The following ERVFRD-1 variants were observed in gnomAD, a reference collection of about 807,000 sequenced individuals.
The protein encoded by ERVFRD-1 is endogenous retrovirus group FRD member 1, envelope.
Under a neutral mutation model 43.8 loss-of-function variants are expected in ERVFRD-1, and 33 were observed. That is an observed-to-expected ratio of 0.75 (90% CI 0.57 to 1.01). ERVFRD-1 has a LOEUF of 1.01. Among genes scored for constraint, ERVFRD-1 ranks in the 50% least tolerant of loss-of-function variants. The pLI, the probability that ERVFRD-1 is intolerant of heterozygous loss-of-function variation, is 0.00. For synonymous variants in ERVFRD-1, 239 were observed against 244.4 expected (o/e 0.98, Z 0.21); for missense variants, 568 against 658.4 (o/e 0.86, Z 1.50).
chr6:11,103,858 G>A lies in ERVFRD-1; in HGVS notation c.1453C>T (p.Pro485Ser). 1.3e-6 allele frequency: 2 copies of A among 1,551,696 alleles called. No homozygotes were observed. The highest frequency in any genetic ancestry group is 2.4e-5 in the South Asian group (2 of 84,058). Reference protein sequence around the residue: ...GTWKWFSWVLPLTGPLVSLLL... With the variant: ...GTWKWFSWVLSLTGPLVSLLL... ...AGACTAACAAGTGGGCCTGTAAGGG[G>A]AAGAACCCAAGAGAACCATTTCCAA... The change falls in exon 2 of 2, where the codon CCC (proline) becomes TCC (serine). Residue 485 changes from proline (P) to serine (S), a missense_variant. Transcript: ENST00000472091.
rs548644317 is a variant in ERVFRD-1, at chr6:11,103,663, G to A, written c.*31C>T. Reference sequence around the variant, plus strand: ...CGGGGCAGGATTTCGCCTCTGTCGTGTTCCACTAGCGAGCAGTCTAGGGGT... The same window carrying A: ...CGGGGCAGGATTTCGCCTCTGTCGTATTCCACTAGCGAGCAGTCTAGGGGT... On this transcript the variant is annotated 3_prime_UTR_variant, in exon 2 of 2. Coordinates refer to ENST00000472091, the MANE Select transcript of ERVFRD-1 (RefSeq NM_207582.3). The A allele has an allele frequency of 1.3e-6, 2 of 1,515,476 alleles. No individual in the cohort carries two copies. The highest frequency in any genetic ancestry group is 4.9e-5 in the East Asian group (2 of 40,612). 93.9% of individuals were successfully genotyped at this position (1,515,476 alleles called of 1,614,324 possible). A position where few individuals can be genotyped will look rare whatever the true frequency, so the allele number is the denominator to read the frequency against.
chr6:11,108,815 A>G (rs1270375981), intron 1 of ERVFRD-1, among the ~76,000 whole-genome samples: 1 of 152,186 alleles, frequency 6.6e-6, no homozygotes, highest in Admixed American at 6.5e-5. Context: ...AGTTAGGGAA[A>G]TGATCCTTTA....
intron 1 of ERVFRD-1, among the ~76,000 whole-genome samples, chr6:11,111,370 A>C (rs1758163933): frequency 6.6e-6 from 1 of 152,184 alleles, no homozygotes; most frequent in South Asian, 2.1e-4. Context: ...TTTAGTTGAA[A>C]AAGCAGAGGA....
At position 11,103,451 on chromosome 6, in the gene ERVFRD-1, T is replaced by C. The variant is rs560882659; in HGVS notation, c.*243A>G. The stretch of plus-strand genomic sequence containing the variant: ...TCTGACTAGCTACCTGCTCCAACAT[T>C]TCCCCCCCTCAAGAGTCCAAGACCC... On this transcript the variant is annotated 3_prime_UTR_variant, in exon 2 of 2. Coordinates refer to ENST00000472091, the MANE Select transcript of ERVFRD-1 (RefSeq NM_207582.3). 11 of 508,822 alleles carry C rather than the reference T, an allele frequency of 2.2e-5. No individual in the cohort carries two copies. Among genetic ancestry groups the C allele is most frequent in the Non-Finnish European group, 3.3e-5 (10 of 304,698 alleles). The allele number at this position is 508,822 out of a possible 1,614,324, so 31.5% of individuals were successfully genotyped here.
At chr6:11,111,630 G>T (rs1758168619) in intron 1 of ERVFRD-1, 47 bp downstream of exon 1, 1 of 152,290 alleles carries the variant, frequency 6.6e-6, no homozygotes, top group Non-Finnish European at 1.5e-5. Flanking sequence ...CACGTACGAG[G>T]GTTGAACGCC....
Position 11,104,957 on chromosome 6 carries a change from G to C in ERVFRD-1, c.354C>G (p.Asn118Lys). 6.2e-7 allele frequency: 1 copy of C among 1,614,170 alleles called. No homozygotes were observed. The highest frequency in any genetic ancestry group is 8.5e-7 in the Non-Finnish European group (1 of 1,180,028). ...CACAAATAGGGGCTATTCCCATTAG[G>C]TTGATATTAGTAAAGATGGGTCCGA... is the stretch of plus-strand genomic sequence containing the variant. ...PIFGPIFTNI[N>K]LMGIAPICVM... The change falls in exon 2 of 2, where the codon AAC becomes AAG. Residue 118 changes from asparagine to lysine, a missense_variant. By Grantham distance (94) the Asn-to-Lys change is moderately conservative. Transcript: ENST00000472091.
At chr6:11,106,295 C>T (rs892476280) in intron 1 of ERVFRD-1, among the ~76,000 whole-genome samples, 4 of 152,192 alleles carry the variant, frequency 2.6e-5, no homozygotes, top group Non-Finnish European at 4.4e-5. Context: ...CTGTGGTATG[C>T]AGGGAGCTGA....
In ERVFRD-1 at chr6:11,103,452, TC is replaced by T. The variant is rs536498436; in HGVS notation, c.*241del. 42 of 511,174 alleles carry T rather than the reference TC, an allele frequency of 8.2e-5. No individual in the cohort carries two copies. Among genetic ancestry groups the T allele is most frequent in the African/African-American group, 7.0e-4 (37 of 53,154 alleles). 31.7% of individuals were successfully genotyped at this position (511,174 alleles called of 1,614,324 possible). A position where few individuals can be genotyped will look rare whatever the true frequency, so the allele number is the denominator to read the frequency against. On this transcript the variant is annotated 3_prime_UTR_variant, in exon 2 of 2. Transcript: ENST00000472091. ...CTGACTAGCTACCTGCTCCAACATT[TC>T]CCCCCCTCAAGAGTCCAAGACCCAA...
intron 1 of ERVFRD-1, among the ~76,000 whole-genome samples, chr6:11,110,449 A>C (rs553764833): frequency 6.6e-6 from 1 of 152,114 alleles, no homozygotes; most frequent in Non-Finnish European, 1.5e-5. Context: ...CTCATTTCCC[A>C]TGTTCTTTAA....
intron 1 of ERVFRD-1, among the ~76,000 whole-genome samples, chr6:11,107,379 G>A (rs907480539): frequency 8.5e-5 from 13 of 152,154 alleles, no homozygotes; most frequent in African/African-American, 3.1e-4. Context: ...CTAGATGTTG[G>A]ATTCCCAGTT....
At position 11,105,390 on chromosome 6, in the gene ERVFRD-1, A is replaced by G. The variant is rs1210442044; in HGVS notation, c.-80T>C. The G allele has an allele frequency of 1.8e-6, 2 of 1,084,014 alleles. No individual in the cohort carries two copies. The highest frequency in any genetic ancestry group is 2.7e-6 in the Non-Finnish European group (2 of 751,482). 67.1% of individuals were successfully genotyped at this position (1,084,014 alleles called of 1,614,324 possible). A position where few individuals can be genotyped will look rare whatever the true frequency, so the allele number is the denominator to read the frequency against. ...TGTACAAGTTAGGGTTAAAATAGTG[A>G]TAACAATCAGAGCAATTGCCAGTAA... On this transcript the variant is annotated 5_prime_UTR_variant, in exon 2 of 2. Transcript: ENST00000472091.
At chr6:11,107,140 C>T (rs905078352) in intron 1 of ERVFRD-1, among the ~76,000 whole-genome samples, 10 of 152,214 alleles carry the variant, frequency 6.6e-5, no homozygotes, top group Non-Finnish European at 1.3e-4. Context: ...TGTGGATTAT[C>T]TAGGAGCTGA....
chr6:11,104,852 A>G lies in ERVFRD-1; in HGVS notation c.459T>C (p.Ser153=). Residue 153 remains serine (S), a synonymous_variant, in exon 2 of 2, where the codon TCT becomes TCC. Coordinates refer to ENST00000472091, the MANE Select transcript of ERVFRD-1 (RefSeq NM_207582.3). ...TGTATGTTTGGTAAGTCTGTTGGTT[A>G]GAATCTACAGTGAAAGTAACATTAC... The part of the protein sequence containing the change: ...TVCNVTFTVD[S]NQQTYQTYTH... 1 of 1,614,244 alleles carries G rather than the reference A, an allele frequency of 6.2e-7. No homozygotes were observed. Among genetic ancestry groups the G allele is most frequent in the Non-Finnish European group, 8.5e-7 (1 of 1,180,044 alleles).
rs1169145804 is a variant in ERVFRD-1 at position 11,102,537 on chromosome 6, AG to A, written c.*1156del. 1.3e-5 allele frequency: 2 copies of A among 152,254 alleles called. No homozygotes were observed. The allele number at this position is 152,254 out of a possible 1,614,324, so 9.4% of individuals were successfully genotyped here. A position where few individuals can be genotyped will look rare whatever the true frequency, so the allele number is the denominator to read the frequency against. ...GAGCAAGGGTGATTCATGAACAGGC[AG>A]GGCCAAACTGCAAGCAACTGGGTCT... On this transcript the variant is annotated 3_prime_UTR_variant, in exon 2 of 2. Coordinates refer to ENST00000472091, the MANE Select transcript of ERVFRD-1 (RefSeq NM_207582.3).
At chr6:11,109,440 A>G (rs1230855982) in intron 1 of ERVFRD-1, among the ~76,000 whole-genome samples, 1 of 152,130 alleles carries the variant, frequency 6.6e-6, no homozygotes, top group East Asian at 1.9e-4. Flanking sequence ...AGACTTCGAT[A>G]TAATTGGGTA....
In ERVFRD-1 at chr6:11,105,042, T is replaced by C; in HGVS notation, c.269A>G (p.Asn90Ser). The change falls in exon 2 of 2, where the codon AAT becomes AGT. Residue 90 changes from asparagine (N) to serine (S), a missense_variant. By Grantham distance (46) the Asn-to-Ser change is conservative. Transcript: ENST00000472091. ...PNLKGLMRPA[N>S]SLLSTVKQDF... The stretch of plus-strand genomic sequence containing the variant: ...TTGCTTTACTGTTGAAAGAAGACTA[T>C]TTGCAGGCCTCATCAGTCCTTTCAG... 6.2e-7 allele frequency: 1 copy of C among 1,614,210 alleles called. No individual in the cohort carries two copies. The highest frequency in any genetic ancestry group is 8.5e-7 in the Non-Finnish European group (1 of 1,180,038).
Position 11,104,074 on chromosome 6 carries a change from C to CT in ERVFRD-1, c.1236dup (p.Val413SerfsTer24). ...TCTAGTCCTCGACGATTTTGAAGGA[C>CT]TACGGCTGCTAAAGAGTCGATTTGT... is the stretch of plus-strand genomic sequence containing the variant. On this transcript the variant is annotated frameshift_variant, in exon 2 of 2. Transcript: ENST00000472091. LOFTEE classifies it high-confidence loss of function. 2 of 1,551,688 alleles carry CT rather than the reference C, an allele frequency of 1.3e-6. No homozygotes were observed. Among genetic ancestry groups the CT allele is most frequent in the South Asian group, 2.4e-5 (2 of 84,058 alleles).
At chr6:11,106,800 C>T (rs1051128078) in intron 1 of ERVFRD-1, among the ~76,000 whole-genome samples, 22 of 152,328 alleles carry the variant, frequency 1.4e-4, no homozygotes, top group African/African-American at 5.3e-4. Context: ...GCACTATTGT[C>T]ACCTCCTGGG....
chr6:11,104,499 G>A lies in ERVFRD-1; in HGVS notation c.812C>T (p.Ala271Val), dbSNP rs1207866856. Residue 271 changes from alanine (A) to valine (V), a missense_variant, in exon 2 of 2, where the codon GCA becomes GTA. Physicochemically the swap from Ala to Val is moderately conservative, Grantham distance 64. Coordinates refer to ENST00000472091, the MANE Select transcript of ERVFRD-1 (RefSeq NM_207582.3). ...TIATSYLGIS[A>V]VSEFFGTSLT... ...GGAGGTTCCAAAAAATTCTGAGACT[G>A]CTGATATGCCCAGGTAGCTGGTGGC... The A allele has an allele frequency of 6.4e-7, 1 of 1,557,058 alleles. No individual in the cohort carries two copies. Among genetic ancestry groups the A allele is most frequent in the Non-Finnish European group, 8.7e-7 (1 of 1,149,758 alleles).
Sources: gnomAD v4.1 joint callset for allele counts (sites outside exome capture counted in the v4.1 genomes callset) on GRCh38, gnomAD v4.1.1 for gene constraint, MANE v1.5 for transcripts, NCBI Gene and HGNC (gene_info 2026-07-23, HGNC 2026-07-21) for gene names.